DYM: variants seen among roughly 807,000 people sequenced by gnomAD.
DYM encodes the protein dyggve-Melchior-Clausen syndrome protein.
DYM carries 78 observed loss-of-function variants against 93.1 expected under a neutral mutation model. That is an observed-to-expected ratio of 0.84 (90% CI 0.70 to 1.01). The LOEUF is 1.01. Ranked by LOEUF, DYM falls within the 50% of genes least tolerant of loss-of-function variation. The pLI, the probability that DYM is intolerant of heterozygous loss-of-function variation, is 0.00. For missense variants in DYM, 789 were observed against 845.0 expected, an observed-to-expected ratio of 0.93 and a Z score of 0.82; for synonymous variants, 321 against 319.7, an observed-to-expected ratio of 1.00 and a Z score of -0.04.
At chr18:49,055,199 G>A (rs775678311) in intron 17 of DYM, among the ~76,000 whole-genome samples, 2 of 152,130 alleles carry the variant, frequency 1.3e-5, no homozygotes, top group Non-Finnish European at 2.9e-5. Context: ...AGCAGACAGA[G>A]GCTGACAGCA....
At chr18:49,184,537 C>G (rs998933051) in intron 14 of DYM, among the ~76,000 whole-genome samples, 1 of 152,152 alleles carries the variant, frequency 6.6e-6, no homozygotes, top group Non-Finnish European at 1.5e-5. Context: ...CTAAGACCCC[C>G]AGTGGATTCC....
rs550971422 is a variant in DYM at position 49,077,276 on chromosome 18, C to T, written c.2025+20126G>A. Among the ~76,000 whole-genome samples, 386 of 152,286 alleles carry T rather than the reference C, an allele frequency of 2.5e-3. 2 individuals carry two copies. The highest frequency in any genetic ancestry group is 0.01 in the Middle Eastern group (3 of 294). The stretch of plus-strand genomic sequence containing the variant: ...TTGCACATGATTTTCTGTGCTGTCC[C>T]CCTGGGCCCAAGGAAGCCACAGATC... On this transcript the variant is annotated intron_variant, in intron 17 of 17. Transcript: ENST00000675505.
intron 2 of DYM, among the ~76,000 whole-genome samples, chr18:49,419,568 A>G (rs932014101): frequency 6.6e-6 from 1 of 152,172 alleles, no homozygotes; most frequent in Admixed American, 6.5e-5. Flanking sequence ...GTACATACAC[A>G]TACATTTATT....
intron 13 of DYM, among the ~76,000 whole-genome samples, chr18:49,219,497 A>G (rs2093249306): frequency 1.3e-5 from 2 of 152,056 alleles, no homozygotes; most frequent in African/African-American, 2.4e-5. Flanking sequence ...CATTGATGCA[A>G]AAATCCTCAA....
chr18:49,202,870 CG>C (rs1219476766), intron 14 of DYM, among the ~76,000 whole-genome samples: 1 of 103,622 alleles, frequency 9.7e-6, no homozygotes, highest in Non-Finnish European at 2.1e-5. Context: ...GGAGCGTCTC[CG>C]CCCGGCAGCC....
chr18:49,116,885 C>A (rs2081968393), intron 16 of DYM, among the ~76,000 whole-genome samples: 1 of 152,204 alleles, frequency 6.6e-6, no homozygotes, highest in Non-Finnish European at 1.5e-5. Context: ...AACACTGACA[C>A]TTCTCAATTT....
intron 17 of DYM, among the ~76,000 whole-genome samples, chr18:49,080,475 C>T (rs1212967920): frequency 7.1e-6 from 1 of 141,644 alleles, no homozygotes; most frequent in Non-Finnish European, 1.6e-5. Context: ...CAGAGGCGCC[C>T]CTCACCTCCC....
At chr18:49,338,630 T>G (rs2063845166) in intron 6 of DYM, among the ~76,000 whole-genome samples, 1 of 152,226 alleles carries the variant, frequency 6.6e-6, no homozygotes, top group Non-Finnish European at 1.5e-5. Context: ...TAATATACAA[T>G]AAAGATTACG....
chr18:49,268,562 C>T (rs767511778), intron 11 of DYM, among the ~76,000 whole-genome samples: 2 of 152,136 alleles, frequency 1.3e-5, no homozygotes, highest in Non-Finnish European at 2.9e-5. Flanking sequence ...AGTATAACCA[C>T]ATATGAATTA....
At chr18:49,437,386 C>T (rs1313733204) in intron 1 of DYM, among the ~76,000 whole-genome samples, 1 of 152,100 alleles carries the variant, frequency 6.6e-6, no homozygotes, top group African/African-American at 2.4e-5. Flanking sequence ...TGTAACATTC[C>T]ATTTTATAAT....
At position 49,387,450 on chromosome 18, in the gene DYM, T is replaced by A. The variant is rs535954945; in HGVS notation, c.193+4143A>T. Reference sequence around the variant, plus strand: ...TGCCATCATGCCCAGTTAATTTTTGTATTTTTGTAGAGATAGGGTTTCACT... The same window carrying A: ...TGCCATCATGCCCAGTTAATTTTTGAATTTTTGTAGAGATAGGGTTTCACT... On this transcript the variant is annotated intron_variant, in intron 3 of 17. Transcript: ENST00000675505. Among the ~76,000 whole-genome samples, 20 of 152,066 alleles carry A rather than the reference T, an allele frequency of 1.3e-4. No individual in the cohort carries two copies. In the South Asian group the frequency reaches 4.2e-3, roughly 32 times the overall value.
At chr18:49,437,156 T>A (rs2080932688) in intron 1 of DYM, among the ~76,000 whole-genome samples, 2 of 152,162 alleles carry the variant, frequency 1.3e-5, no homozygotes, top group Admixed American at 6.6e-5. Flanking sequence ...CTCCTTCCCA[T>A]CCCATCTTCT....
intron 17 of DYM, among the ~76,000 whole-genome samples, chr18:49,056,265 C>T (rs2075468536): frequency 6.6e-6 from 1 of 152,188 alleles, no homozygotes; most frequent in African/African-American, 2.4e-5. Context: ...GAAGACAGGC[C>T]ATTTTCATTG....
At chr18:49,087,928 T>C (rs2145341199) in intron 17 of DYM, among the ~76,000 whole-genome samples, 1 of 152,260 alleles carries the variant, frequency 6.6e-6, no homozygotes, top group East Asian at 1.9e-4. Flanking sequence ...TTTTGAGAAA[T>C]ATCTGTTCAT....
intron 2 of DYM, among the ~76,000 whole-genome samples, chr18:49,415,361 T>C (rs1338959068): frequency 1.4e-5 from 2 of 146,324 alleles, no homozygotes; most frequent in Non-Finnish European, 3.0e-5. Context: ...ATTTTAAAAA[T>C]GAGAGAGAAT....
chr18:49,318,681 T>G (rs1195297246), intron 8 of DYM, among the ~76,000 whole-genome samples: 1 of 151,958 alleles, frequency 6.6e-6, no homozygotes, highest in South Asian at 2.1e-4. Flanking sequence ...GGTCCCACAA[T>G]TTTTTATTTA....
chr18:49,154,470 C>T (rs921287190), intron 15 of DYM, among the ~76,000 whole-genome samples: 5 of 152,122 alleles, frequency 3.3e-5, no homozygotes, highest in Non-Finnish European at 7.4e-5. Context: ...TCTCAGCTCA[C>T]TGCAACCTCC....
chr18:49,420,209 C>A (rs2073493775), intron 2 of DYM, among the ~76,000 whole-genome samples: 1 of 149,918 alleles, frequency 6.7e-6, no homozygotes, highest in Non-Finnish European at 1.5e-5. Flanking sequence ...CTCTTGTCGC[C>A]CAGGCTGGAG....
chr18:49,050,916 G>A (rs1457161375), intron 17 of DYM, among the ~76,000 whole-genome samples: 2 of 152,100 alleles, frequency 1.3e-5, no homozygotes, highest in Non-Finnish European at 2.9e-5. Flanking sequence ...TTTGCTGAAT[G>A]AGGAATTAAA....
Sources: allele counts gnomAD v4.1 joint callset (sites outside exome capture counted in the v4.1 genomes callset), GRCh38; gene constraint gnomAD v4.1.1; transcripts MANE v1.5; gene names NCBI Gene and HGNC (gene_info 2026-07-23, HGNC 2026-07-21).